MEMO1: variants seen among roughly 807,000 people sequenced by gnomAD.
MEMO1 encodes protein MEMO1.
In MEMO1, 6 loss-of-function variants were observed where a neutral mutation model predicts 45.2. The ratio of observed to expected loss-of-function variants is 0.13; its 90% CI spans 0.07 to 0.26. The LOEUF (loss-of-function observed/expected upper bound fraction) is 0.26, where lower values mean the gene tolerates loss of function less well. Among genes scored for constraint, MEMO1 ranks in the 10% least tolerant of loss-of-function variants. MEMO1 has a pLI of 1.00. For synonymous variants in MEMO1, 78 were observed against 124.3 expected, an observed-to-expected ratio of 0.63 and a Z score of 2.48; for missense variants, 184 against 370.5, an observed-to-expected ratio of 0.50 and a Z score of 4.13.
chr2:31,891,828 T>G (rs1677027996), intron 7 of MEMO1, among the ~76,000 whole-genome samples, 164 bp downstream of exon 7: 1 of 152,194 alleles, frequency 6.6e-6, no homozygotes, highest in African/African-American at 2.4e-5. Flanking sequence ...CTGATCCTTT[T>G]TAAAGGATCA....
At position 32,007,566 on chromosome 2, in the gene MEMO1, C is replaced by T. The variant is rs1674260727; in HGVS notation, c.61+2621G>A. Among the ~76,000 whole-genome samples the T allele has an allele frequency of 3.3e-5, 5 of 152,190 alleles. No homozygotes were observed. In the South Asian group the frequency reaches 1.0e-3, roughly 31 times the overall value. The stretch of plus-strand genomic sequence containing the variant: ...TACACACACTTTTTTTCTGAAATAG[C>T]TATATAACTAAAGCAAATGTGTTTT... On this transcript the variant is annotated intron_variant, in intron 2 of 9. Coordinates refer to ENST00000404530, the MANE Select transcript of MEMO1 (RefSeq NM_001301833.4).
intron 4 of MEMO1, among the ~76,000 whole-genome samples, chr2:31,927,503 T>C (rs373992787): frequency 1.3e-5 from 2 of 152,152 alleles, no homozygotes; most frequent in South Asian, 2.1e-4. Context: ...GGTTTCTTCA[T>C]ATACGTCAAC....
At chr2:31,870,076 A>C in intron 8 of MEMO1, 124 bp from the exon 9 acceptor site, 1 of 764,134 alleles carries the variant, frequency 1.3e-6, no homozygotes, top group Non-Finnish European at 1.9e-6. Context: ...ACACAAAGAA[A>C]ACAGATTAAA....
At chr2:31,873,691 C>T (rs141550242) in intron 8 of MEMO1, among the ~76,000 whole-genome samples, 36 of 152,168 alleles carry the variant, frequency 2.4e-4, no homozygotes, top group African/African-American at 7.9e-4. Flanking sequence ...TTAATTCCAA[C>T]CACATAATTA....
intron 2 of MEMO1, among the ~76,000 whole-genome samples, chr2:31,972,497 G>A (rs1553376806): frequency 6.6e-6 from 1 of 152,172 alleles, no homozygotes; most frequent in Non-Finnish European, 1.5e-5. Context: ...GATCACTTGA[G>A]GTCAGGAGTT....
chr2:31,960,045 A>C (rs1054235750), intron 2 of MEMO1, among the ~76,000 whole-genome samples: 1 of 152,114 alleles, frequency 6.6e-6, no homozygotes, highest in African/African-American at 2.4e-5. Context: ...AAAAGTACAA[A>C]AATCAGCCGG....
intron 4 of MEMO1, among the ~76,000 whole-genome samples, chr2:31,924,628 A>G (rs1682818949): frequency 6.6e-6 from 1 of 152,186 alleles, no homozygotes; most frequent in Non-Finnish European, 1.5e-5. Flanking sequence ...CTGTTTATTC[A>G]GCTACTTAGT....
intron 2 of MEMO1, among the ~76,000 whole-genome samples, chr2:31,998,777 G>A (rs959663153): frequency 2.0e-5 from 3 of 150,118 alleles, no homozygotes; most frequent in African/African-American, 7.4e-5. Context: ...TCCAGCCCAG[G>A]AGACAATGTG....
intron 2 of MEMO1, among the ~76,000 whole-genome samples, chr2:31,967,101 T>G (rs1162939789): frequency 6.6e-6 from 1 of 151,126 alleles, no homozygotes; most frequent in East Asian, 1.9e-4. Flanking sequence ...CCCAATCATT[T>G]ACCAGTCAAT....
At chr2:31,997,415 A>G (rs548212629) in intron 2 of MEMO1, among the ~76,000 whole-genome samples, 9 of 152,170 alleles carry the variant, frequency 5.9e-5, no homozygotes, top group Non-Finnish European at 1.2e-4. Flanking sequence ...TTATATTTTT[A>G]GTAGAGATGG....
chr2:31,923,775 A>G, intron 4 of MEMO1: 1 of 1,513,874 alleles, frequency 6.6e-7, no homozygotes, highest in African/African-American at 1.4e-5. Flanking sequence ...TTTTAAAATA[A>G]CAATCTAAAT....
At chr2:31,937,568 G>A (rs576248979) in intron 3 of MEMO1, among the ~76,000 whole-genome samples, 8 of 152,168 alleles carry the variant, frequency 5.3e-5, no homozygotes, top group South Asian at 2.1e-4. Flanking sequence ...CTATATACAC[G>A]CTTTTTAGCA....
intron 3 of MEMO1, among the ~76,000 whole-genome samples, chr2:31,940,356 G>C (rs140751849): frequency 2.8e-3 from 422 of 152,092 alleles, no homozygotes; most frequent in African/African-American, 9.4e-3. Flanking sequence ...TCTCCATTTG[G>C]ATATCTAATA....
intron 3 of MEMO1, among the ~76,000 whole-genome samples, chr2:31,932,864 C>A (rs985571932): frequency 2.6e-5 from 4 of 152,134 alleles, no homozygotes; most frequent in African/African-American, 9.7e-5. Flanking sequence ...TCACTTCCTT[C>A]GAAGACAAAG....
intron 2 of MEMO1, among the ~76,000 whole-genome samples, chr2:31,999,213 C>T (rs563231411): frequency 1.3e-5 from 2 of 152,324 alleles, no homozygotes; most frequent in East Asian, 3.9e-4. Context: ...CTCCTTTCCT[C>T]CTAACTGGTC....
chr2:31,961,964 T>G (rs919892363), intron 2 of MEMO1, among the ~76,000 whole-genome samples: 20 of 152,240 alleles, frequency 1.3e-4, no homozygotes, highest in African/African-American at 4.6e-4. Flanking sequence ...CTGACGACTC[T>G]AAGACCAAGT....
chr2:31,987,170 A>AT (rs1227503601), intron 2 of MEMO1, among the ~76,000 whole-genome samples: 4 of 152,060 alleles, frequency 2.6e-5, no homozygotes, highest in Middle Eastern at 3.4e-3. Flanking sequence ...TGCCTGGCTA[A>AT]TTTTTTACTT....
At chr2:31,949,729 C>T (rs546572873) in intron 2 of MEMO1, among the ~76,000 whole-genome samples, 411 of 150,436 alleles carry the variant, frequency 2.7e-3, no homozygotes, top group Middle Eastern at 7.0e-3. Context: ...GTAACTTAAT[C>T]GCTCATTTTA....
At chr2:31,946,448 C>T (rs1020981171) in intron 2 of MEMO1, among the ~76,000 whole-genome samples, 1 of 152,136 alleles carries the variant, frequency 6.6e-6, no homozygotes, top group Middle Eastern at 3.2e-3. Context: ...AATTTAAGAA[C>T]AGTTACCAAA....
Sources: gnomAD v4.1 joint callset for allele counts (sites outside exome capture counted in the v4.1 genomes callset) on GRCh38, gnomAD v4.1.1 for gene constraint, MANE v1.5 for transcripts, NCBI Gene and HGNC (gene_info 2026-07-23, HGNC 2026-07-21) for gene names.